VPS13C: variants seen among roughly 807,000 people sequenced by gnomAD.
VPS13C encodes the protein intermembrane lipid transfer protein VPS13C.
A neutral mutation model predicts 456.8 loss-of-function variants in VPS13C; 358 were observed. The ratio of observed to expected loss-of-function variants is 0.78; its 90% confidence interval spans 0.72 to 0.86. The LOEUF (loss-of-function observed/expected upper bound fraction) is 0.86. Ranked by LOEUF, VPS13C falls within the 40% of genes least tolerant of loss-of-function variation. VPS13C has a pLI of 0.00. For missense variants in VPS13C, 4,818 were observed against 4,385.4 expected, an observed-to-expected ratio of 1.10 and a Z score of -2.79; for synonymous variants, 1,578 against 1,486.7, an observed-to-expected ratio of 1.06 and a Z score of -1.41.
chr15:61,957,878 T>G (rs985033467), intron 37 of VPS13C, among the ~76,000 whole-genome samples: 1 of 152,016 alleles, frequency 6.6e-6, no homozygotes, highest in South Asian at 2.1e-4. Flanking sequence ...CTACAAAGAA[T>G]GAAGCAGATC....
At chr15:62,039,080 A>C (rs1223589085) in intron 3 of VPS13C, among the ~76,000 whole-genome samples, 1 of 152,154 alleles carries the variant, frequency 6.6e-6, no homozygotes, top group East Asian at 1.9e-4. Flanking sequence ...CAGCAATCCC[A>C]CTACTGAGTA....
At chr15:61,868,294 C>T (rs116783238) in intron 81 of VPS13C, among the ~76,000 whole-genome samples, 198 of 151,802 alleles carry the variant, frequency 1.3e-3, no homozygotes, top group African/African-American at 4.6e-3. Flanking sequence ...CAAAGTAGTG[C>T]AAATAAATTA....
In VPS13C at chr15:62,041,483, T is replaced by C. The variant is rs2048239417; in HGVS notation, c.145-117A>G. ...AAAGAAAAACAAAAACCAAATTTTC[T>C]ATATTTGAATAACTCATAAAGGACA... On this transcript the variant is annotated intron_variant, in intron 2 of 84. Transcript: ENST00000644861. 4.3e-6 allele frequency: 4 copies of C among 929,214 alleles called. No homozygotes were observed. The East Asian group carries it at 8.1e-5, about 19-fold the overall frequency. 57.6% of individuals were successfully genotyped at this position (929,214 alleles called of 1,614,324 possible).
At chr15:61,974,802 A>C (rs2045655503) in intron 24 of VPS13C, among the ~76,000 whole-genome samples, 1 of 152,158 alleles carries the variant, frequency 6.6e-6, no homozygotes, top group African/African-American at 2.4e-5. Flanking sequence ...CTTTCTATAT[A>C]TAGCACTTGG....
intron 58 of VPS13C, among the ~76,000 whole-genome samples, chr15:61,918,862 C>T (rs769553173): frequency 6.6e-6 from 1 of 151,990 alleles, no homozygotes; most frequent in East Asian, 1.9e-4. Flanking sequence ...GATTAAGATG[C>T]TAAAATGTTT....
At chr15:61,897,835 T>G (rs1461258916) in intron 66 of VPS13C, among the ~76,000 whole-genome samples, 1 of 151,962 alleles carries the variant, frequency 6.6e-6, no homozygotes, top group African/African-American at 2.4e-5. Context: ...GGAAAAAATG[T>G]TAAGGGCAGC....
At chr15:62,015,219 T>C (rs1165459189) in intron 9 of VPS13C, among the ~76,000 whole-genome samples, 1 of 152,176 alleles carries the variant, frequency 6.6e-6, no homozygotes, top group African/African-American at 2.4e-5. Flanking sequence ...AAGGTGTTAC[T>C]GTATACTTGT....
intron 59 of VPS13C, among the ~76,000 whole-genome samples, 189 bp from the exon 60 acceptor site, chr15:61,917,824 G>A (rs377055403): frequency 6.6e-6 from 1 of 151,896 alleles, no homozygotes; most frequent in Non-Finnish European, 1.5e-5. Context: ...CTAACTTACG[G>A]AGGACTTTCT....
chr15:61,880,697 T>C lies in VPS13C; in HGVS notation c.9914A>G (p.Asp3305Gly). ...RRTKLIQQDIDALNAELMETS... is the reference protein window; with the variant it reads ...RRTKLIQQDIGALNAELMETS... ...CTCCATTAATTCTGCATTTAGAGCA[T>C]CAATATCTTGTTGGATTAACTTTGT... The change falls in exon 73 of 85, where the codon GAT becomes GGT. Residue 3305 changes from aspartate to glycine, a missense_variant. By Grantham distance (94) the Asp-to-Gly change is moderately conservative (BLOSUM62 -1). Coordinates refer to ENST00000644861, the MANE Select transcript of VPS13C (RefSeq NM_020821.3). 3.1e-6 allele frequency: 5 copies of C among 1,591,432 alleles called. No homozygotes were observed. Among genetic ancestry groups the C allele is most frequent in the Non-Finnish European group, 4.3e-6 (5 of 1,171,528 alleles).
rs185756986 is a variant in VPS13C at position 61,934,324 on chromosome 15, T to G, written c.5763A>C (p.Glu1921Asp). ...TAGAGAGCTTTGAGTCTGTCCAATC[T>G]TCTTGTTCTAATGGTGAAAATTTAA... ...SSVPDHLKEQ[E>D]DWTDSKLSMN... Residue 1921 changes from glutamate (E) to aspartate (D), a missense_variant, in exon 49 of 85, where the codon GAA becomes GAC. This residue lies in a region of VPS13C where 4,552 missense variants were observed against 4,130.6 expected (regional missense o/e 1.10). Coordinates refer to ENST00000644861, the MANE Select transcript of VPS13C (RefSeq NM_020821.3). 16 of 1,535,582 alleles carry G rather than the reference T, an allele frequency of 1.0e-5. No homozygotes were observed. In the African/African-American group the frequency reaches 2.2e-4, roughly 21 times the overall value.
Position 61,929,641 on chromosome 15 carries a change from T to C in VPS13C, c.6146A>G (p.Tyr2049Cys), listed in dbSNP as rs1044991599. Reference protein sequence around the residue: ...SQIDAVLDKLYVCASVEFLMT... With the variant: ...SQIDAVLDKLCVCASVEFLMT... ...CAGAAATTCCACACTGGCACATACA[T>C]ACAGCTTGTCAAGAACAGCATCAAT... The change falls in exon 51 of 85, where the codon TAT becomes TGT. Residue 2049 changes from tyrosine to cysteine, a missense_variant. Tyr to Cys is a radical substitution (Grantham distance 194). Coordinates refer to ENST00000644861, the MANE Select transcript of VPS13C (RefSeq NM_020821.3). 1.9e-6 allele frequency: 3 copies of C among 1,614,042 alleles called. No individual in the cohort carries two copies. Among genetic ancestry groups the C allele is most frequent in the African/African-American group, 2.7e-5 (2 of 74,948 alleles).
chr15:61,951,191 GAAAA>G (rs960762292), intron 39 of VPS13C, among the ~76,000 whole-genome samples, 167 bp from the exon 40 acceptor site: 9 of 150,916 alleles, frequency 6.0e-5, no homozygotes, highest in African/African-American at 2.2e-4. Flanking sequence ...ACCTGGCTTT[GAAAA>G]AAAAGGAAAC....
intron 1 of VPS13C, among the ~76,000 whole-genome samples, chr15:62,055,207 C>T (rs1380954172): frequency 6.6e-6 from 1 of 151,798 alleles, no homozygotes; most frequent in Non-Finnish European, 1.5e-5. Flanking sequence ...TCTGGACATT[C>T]CAGTAATTTT....
At chr15:61,909,264 G>A (rs2043232883) in intron 64 of VPS13C, 139 bp from the exon 65 acceptor site, 1 of 1,048,994 alleles carries the variant, frequency 9.5e-7, no homozygotes. Flanking sequence ...CTGGAGTACA[G>A]TGGCGCCATC....
intron 38 of VPS13C, among the ~76,000 whole-genome samples, chr15:61,953,480 A>C (rs1303846018): frequency 6.8e-6 from 1 of 147,556 alleles, no homozygotes; most frequent in African/African-American, 2.5e-5. Flanking sequence ...ATGAGTGAGA[A>C]TATGTGGTGT....
intron 35 of VPS13C, among the ~76,000 whole-genome samples, 166 bp downstream of exon 35, chr15:61,961,423 A>G (rs2045201197): frequency 6.6e-6 from 1 of 150,740 alleles, no homozygotes; most frequent in African/African-American, 2.4e-5. Context: ...ACACACACAC[A>G]CACACACACA....
chr15:61,918,403 G>T, intron 58 of VPS13C, 146 bp from the exon 59 acceptor site: 1 of 681,090 alleles, frequency 1.5e-6, no homozygotes, highest in African/African-American at 1.9e-5. Context: ...AAAATTTTAG[G>T]GTATTTAAGT....
chr15:61,992,331 C>A (rs1204559002), intron 16 of VPS13C, among the ~76,000 whole-genome samples: 1 of 152,120 alleles, frequency 6.6e-6, no homozygotes, highest in Non-Finnish European at 1.5e-5. Context: ...TCTATCACTC[C>A]TTCTCTTTGC....
chr15:61,927,097 A>C lies in VPS13C; in HGVS notation c.6510T>G (p.Ile2170Met). The change falls in exon 52 of 85, where the codon ATT becomes ATG. Residue 2170 changes from isoleucine to methionine, a missense_variant. Ile to Met is a conservative substitution (Grantham distance 10, BLOSUM62 1). Coordinates refer to ENST00000644861, the MANE Select transcript of VPS13C (RefSeq NM_020821.3). ...PFLREKRGKN[I>M]TTVLQPCSLF... ...GACACAAGGTAATTCTTACTGTGGTAATGTTTTTCCCTCTCTTTTCTCTGA... is the reference window on the plus strand; with the variant it reads ...GACACAAGGTAATTCTTACTGTGGTCATGTTTTTCCCTCTCTTTTCTCTGA... 1.2e-6 allele frequency: 2 copies of C among 1,613,780 alleles called. No homozygotes were observed. Among genetic ancestry groups the C allele is most frequent in the Admixed American group, 1.7e-5 (1 of 60,008 alleles).
Sources: gnomAD v4.1 joint callset for allele counts (sites outside exome capture counted in the v4.1 genomes callset) on GRCh38, gnomAD v4.1.1 for gene constraint, gnomAD v4.1.1 regional missense constraint, MANE v1.5 for transcripts, NCBI Gene and HGNC (gene_info 2026-07-23, HGNC 2026-07-21) for gene names.